Variants in NUP205 observed in about 807,000 individuals in gnomAD.
NUP205 encodes nucleoporin 205.
In NUP205, 76 loss-of-function variants were observed where a neutral mutation model predicts 253.8. The observed-to-expected ratio is 0.30, with a 90% CI of 0.25 to 0.36. The LOEUF (loss-of-function observed/expected upper bound fraction) is 0.36. Among genes scored for constraint, NUP205 ranks in the 10% least tolerant of loss-of-function variants. NUP205 has a pLI of 1.00. For synonymous variants in NUP205, 832 were observed against 850.1 expected, an observed-to-expected ratio of 0.98 and a Z score of 0.37; for missense variants, 2,162 against 2,425.5, an observed-to-expected ratio of 0.89 and a Z score of 2.28.
chr7:135,630,291 A>T (rs1008729340), intron 34 of NUP205, 53 bp from the exon 35 acceptor site: 3 of 1,376,430 alleles, frequency 2.2e-6, no homozygotes, highest in Non-Finnish European at 2.9e-6. Flanking sequence ...ATTTATATAT[A>T]ATTTTCTACT....
intron 3 of NUP205, among the ~76,000 whole-genome samples, chr7:135,575,116 G>A (rs80017676): frequency 0.025 from 3,820 of 152,188 alleles, 79 homozygotes; most frequent in South Asian, 0.077. Context: ...GTGTAAATAC[G>A]CTCATATTCT....
chr7:135,582,750 A>G (rs1371461969), intron 7 of NUP205, among the ~76,000 whole-genome samples: 1 of 150,562 alleles, frequency 6.6e-6, no homozygotes, highest in Non-Finnish European at 1.5e-5. Context: ...ATGAGCCACC[A>G]CACCTGGCTG....
At chr7:135,625,126 A>G in intron 31 of NUP205, 38 bp from the exon 32 acceptor site, 1 of 1,528,524 alleles carries the variant, frequency 6.5e-7, no homozygotes, top group Non-Finnish European at 8.9e-7. Flanking sequence ...TTTTGGTAGC[A>G]TCTACATGTT....
intron 1 of NUP205, chr7:135,558,329 C>T (rs1805488400): frequency 3.4e-6 from 1 of 298,228 alleles, no homozygotes; most frequent in Non-Finnish European, 6.6e-6. Context: ...CACAGTGAAG[C>T]CAGAGGACCC....
Position 135,591,476 on chromosome 7 carries a change from A to G in NUP205, c.1500A>G (p.Gln500=). The G allele has an allele frequency of 6.2e-7, 1 of 1,613,942 alleles. No individual in the cohort carries two copies. The highest frequency in any genetic ancestry group is 8.5e-7 in the Non-Finnish European group (1 of 1,179,914). Residue 500 remains glutamine (Q), a synonymous_variant, in exon 11 of 43, where the codon CAA becomes CAG. Coordinates refer to ENST00000285968, the MANE Select transcript of NUP205 (RefSeq NM_015135.3). ...RQVVLSKFVR[Q]MGDLLPPTIY... ...TTGTCTTGTCAAAGTTTGTTAGGCA[A>G]ATGGGTGACCTGTTGCCTCCAACTA... is the stretch of plus-strand genomic sequence containing the variant.
At chr7:135,594,465 A>G in intron 12 of NUP205, 82 bp from the exon 13 acceptor site, 3 of 1,108,302 alleles carry the variant, frequency 2.7e-6, no homozygotes, top group East Asian at 2.4e-5. Flanking sequence ...CTCAGTATAA[A>G]TGATAGCAAT....
rs1461657176 is a variant in NUP205 at position 135,594,703 on chromosome 7, C to T, written c.1987C>T (p.Leu663Phe). The change falls in exon 13 of 43, where the codon CTC becomes TTC. Residue 663 changes from leucine to phenylalanine, a missense_variant. By Grantham distance (22) the Leu-to-Phe change is conservative. Transcript: ENST00000285968. ...AAAATCTCCTGAAATTGCTGCTTCC[C>T]TCTGGCAGTCATTGGAATACACTCA... ...FGKSPEIAASLWQSLEYTQIL... is the reference protein window; with the variant it reads ...FGKSPEIAASFWQSLEYTQIL... 2 of 1,613,268 alleles carry T rather than the reference C, an allele frequency of 1.2e-6. No individual in the cohort carries two copies.
chr7:135,578,895 C>T lies in NUP205; in HGVS notation c.1022C>T (p.Ser341Phe), dbSNP rs1303748884. The T allele has an allele frequency of 6.2e-7, 1 of 1,601,190 alleles. No individual in the cohort carries two copies. The change falls in exon 7 of 43, where the codon TCC becomes TTC. Residue 341 changes from serine to phenylalanine, a missense_variant. Physicochemically the swap from Ser to Phe is radical, Grantham distance 155. Transcript: ENST00000285968. ...TGGGCGCTGGCATTGAGGGGAATAT[C>T]CCAGCTACCTGATGTGACAGGTGAA... ...LAWALALRGI[S>F]QLPDVTALAE...
At chr7:135,590,883 G>A (rs995240095) in intron 10 of NUP205, among the ~76,000 whole-genome samples, 2 of 152,108 alleles carry the variant, frequency 1.3e-5, no homozygotes, top group Admixed American at 6.6e-5. Flanking sequence ...CATCTGTAGT[G>A]TTTTCAGTTC....
chr7:135,623,934 C>G (rs1295094685), intron 31 of NUP205, among the ~76,000 whole-genome samples: 1 of 151,938 alleles, frequency 6.6e-6, no homozygotes, highest in Non-Finnish European at 1.5e-5. Flanking sequence ...AGGCGCCCGC[C>G]ACTACGCCTG....
At chr7:135,575,530 C>G (rs1806128718) in intron 3 of NUP205, among the ~76,000 whole-genome samples, 1 of 152,188 alleles carries the variant, frequency 6.6e-6, no homozygotes, top group Admixed American at 6.5e-5. Flanking sequence ...GGCGTGGTGG[C>G]TCACACCTGT....
chr7:135,624,860 C>T (rs112535648), intron 31 of NUP205, among the ~76,000 whole-genome samples: 2 of 152,126 alleles, frequency 1.3e-5, no homozygotes, highest in African/African-American at 2.4e-5. Context: ...AAAAAAATTT[C>T]TTTTCTCTAA....
At chr7:135,579,785 C>A (rs943766146) in intron 7 of NUP205, among the ~76,000 whole-genome samples, 1 of 152,000 alleles carries the variant, frequency 6.6e-6, no homozygotes, top group Non-Finnish European at 1.5e-5. Flanking sequence ...AATTGGACTA[C>A]AGGCACACGC....
intron 5 of NUP205, 105 bp from the exon 6 acceptor site, chr7:135,577,691 T>G: frequency 1.3e-6 from 1 of 780,744 alleles, no homozygotes; most frequent in Non-Finnish European, 2.1e-6. Flanking sequence ...TTGTGGATTT[T>G]GATAGGTTTT....
intron 34 of NUP205, among the ~76,000 whole-genome samples, chr7:135,629,774 C>T (rs1274455572): frequency 1.3e-5 from 2 of 152,142 alleles, no homozygotes; most frequent in Non-Finnish European, 2.9e-5. Flanking sequence ...TGATACCCGC[C>T]TCAGCCTCCC....
chr7:135,621,061 G>T (rs148544007), intron 30 of NUP205, among the ~76,000 whole-genome samples: 72 of 152,296 alleles, frequency 4.7e-4, no homozygotes, highest in African/African-American at 1.6e-3. Flanking sequence ...TCTGATAATG[G>T]ATTTTCTTTG....
At chr7:135,640,873 G>A (rs1375463338) in intron 38 of NUP205, among the ~76,000 whole-genome samples, 1 of 152,106 alleles carries the variant, frequency 6.6e-6, no homozygotes, top group Non-Finnish European at 1.5e-5. Context: ...GCTTAAACAA[G>A]TTAATTCTAT....
Position 135,587,642 on chromosome 7 carries a change from A to G in NUP205, c.1286A>G (p.Asn429Ser). 2 of 1,611,668 alleles carry G rather than the reference A, an allele frequency of 1.2e-6. No homozygotes were observed. The highest frequency in any genetic ancestry group is 2.2e-5 in the East Asian group (1 of 44,852). ...ATTCACATGAGTATGCAGATGGGTA[A>G]TGAACCCCCCATTTCACTTAGAAGG... is the stretch of plus-strand genomic sequence containing the variant. Reference protein sequence around the residue: ...RMIHMSMQMGNEPPISLRRDL... With the variant: ...RMIHMSMQMGSEPPISLRRDL... Residue 429 changes from asparagine to serine, a missense_variant, in exon 9 of 43, where the codon AAT becomes AGT. Coordinates refer to ENST00000285968, the MANE Select transcript of NUP205 (RefSeq NM_015135.3).
chr7:135,570,313 G>C (rs778832920), intron 1 of NUP205, among the ~76,000 whole-genome samples: 29 of 151,774 alleles, frequency 1.9e-4, no homozygotes, highest in Middle Eastern at 6.8e-3. Context: ...TCCTGGGTTC[G>C]AGTGATTTCT....
Sources: allele counts gnomAD v4.1 joint callset (sites outside exome capture counted in the v4.1 genomes callset), GRCh38; gene constraint gnomAD v4.1.1; transcripts MANE v1.5; gene names NCBI Gene and HGNC (gene_info 2026-07-23, HGNC 2026-07-21).